ATXN1: variants seen among roughly 807,000 people sequenced by gnomAD.
ATXN1 encodes ataxin-1.
A neutral mutation model predicts 56.4 loss-of-function variants in ATXN1; 8 were observed. The ratio of observed to expected loss-of-function variants is 0.14; its 90% CI spans 0.08 to 0.26. The LOEUF is 0.26. Ranked by LOEUF, ATXN1 falls within the 10% of genes least tolerant of loss-of-function variation. The pLI is 1.00. For synonymous variants in ATXN1, 514 were observed against 494.6 expected (o/e 1.04, Z -0.52); for missense variants, 987 against 1,106.5 (o/e 0.89, Z 1.53).
chr6:16,308,322 T>TCACACACACACACACA lies in ATXN1; in HGVS notation c.1918-1479_1918-1464dup, dbSNP rs35291830. ...GCCTGGGCGACAGAGTGAAACTCCG[T>TCACACACACACACACA]CACACACACACACACACACACACAC... is the stretch of plus-strand genomic sequence containing the variant. On this transcript the variant is annotated intron_variant, in intron 7 of 7. Coordinates refer to ENST00000436367, the MANE Select transcript of ATXN1 (RefSeq NM_001128164.2). 1.4e-3 allele frequency among the ~76,000 whole-genome samples: 188 copies of TCACACACACACACACA among 132,718 alleles called. 2 individuals are homozygous for TCACACACACACACACA. The East Asian group carries it at 0.019, about 13-fold the overall frequency. The allele number at this position is 132,718 out of a possible 152,430, so 87.1% of individuals were successfully genotyped here.
chr6:16,327,271 G>A lies in ATXN1; in HGVS notation c.1040C>T (p.Ala347Val). The change falls in exon 7 of 8, where the codon GCA becomes GTA. Residue 347 changes from alanine (A) to valine (V), a missense_variant. By Grantham distance (64) the Ala-to-Val change is moderately conservative. Coordinates refer to ENST00000436367, the MANE Select transcript of ATXN1 (RefSeq NM_001128164.2). ...CGGGTGAGGAACCGACTTGCCGCCT[G>A]CCTTGCCCAGGCCCAGGTCGGCTGA... The part of the protein sequence containing the change: ...PSSADLGLGK[A>V]GGKSVPHPYE... 1 of 1,613,298 alleles carries A rather than the reference G, an allele frequency of 6.2e-7. No homozygotes were observed. Among genetic ancestry groups the A allele is most frequent in the Non-Finnish European group, 8.5e-7 (1 of 1,179,766 alleles).
At chr6:16,362,058 G>A (rs1380164983) in intron 6 of ATXN1, among the ~76,000 whole-genome samples, 20 of 152,200 alleles carry the variant, frequency 1.3e-4, no homozygotes, top group Non-Finnish European at 1.0e-4. Flanking sequence ...TGGGTGAGCC[G>A]GGTCAGCCCT....
intron 2 of ATXN1, among the ~76,000 whole-genome samples, chr6:16,658,878 A>T (rs1758259958): frequency 6.6e-6 from 1 of 152,184 alleles, no homozygotes; most frequent in Non-Finnish European, 1.5e-5. Flanking sequence ...AACTCCATAA[A>T]TCTCCAAAGG....
intron 1 of ATXN1, among the ~76,000 whole-genome samples, chr6:16,757,023 G>A (rs944487048): frequency 6.6e-6 from 1 of 152,208 alleles, no homozygotes; most frequent in African/African-American, 2.4e-5. Flanking sequence ...AAAAACAGGA[G>A]TCATAGTAAT....
chr6:16,393,425 G>T (rs1007097275), intron 6 of ATXN1, among the ~76,000 whole-genome samples: 2 of 152,016 alleles, frequency 1.3e-5, no homozygotes, highest in African/African-American at 4.8e-5. Context: ...TTGTAGAGAG[G>T]AGTTTTGCTT....
chr6:16,688,053 T>C lies in ATXN1; in HGVS notation c.-614-30152A>G, dbSNP rs546961936. On this transcript the variant is annotated intron_variant, in intron 2 of 7. Transcript: ENST00000436367. ...GGGTTATGTATCCTGGGTTCCAGCATAACCCCTGGTTGAGAACTTACTATT... is the reference window on the plus strand; with the variant it reads ...GGGTTATGTATCCTGGGTTCCAGCACAACCCCTGGTTGAGAACTTACTATT... 4.6e-4 allele frequency among the ~76,000 whole-genome samples: 70 copies of C among 152,344 alleles called. No homozygotes were observed. In the South Asian group the frequency reaches 0.013, roughly 28 times the overall value.
chr6:16,466,317 CAAAAAAAAAAAAAAAAAAAAAA>C (rs200261208), intron 6 of ATXN1, among the ~76,000 whole-genome samples: 1,337 of 79,988 alleles, frequency 0.017, 70 homozygotes, highest in African/African-American at 0.062. Context: ...GACCCCATCT[CAAAAAAAAAAAAAAAAAAAAAA>C]AAAAAAAAAA....
intron 5 of ATXN1, among the ~76,000 whole-genome samples, chr6:16,497,859 A>C (rs1465626623): frequency 3.3e-5 from 5 of 151,280 alleles, no homozygotes; most frequent in Admixed American, 6.6e-5. Context: ...GTCTCTTTGC[A>C]GAAGTTGAAC....
intron 2 of ATXN1, among the ~76,000 whole-genome samples, chr6:16,720,202 C>G (rs1182472758): frequency 1.3e-5 from 2 of 152,174 alleles, no homozygotes; most frequent in African/African-American, 4.8e-5. Context: ...TTACTGCAGT[C>G]TCTGTACAAA....
At chr6:16,719,642 G>C (rs1189856410) in intron 2 of ATXN1, among the ~76,000 whole-genome samples, 1 of 152,118 alleles carries the variant, frequency 6.6e-6, no homozygotes, top group Non-Finnish European at 1.5e-5. Flanking sequence ...CTCTCCGGAT[G>C]GTCACATCCC....
chr6:16,729,413 C>T (rs1268081979), intron 2 of ATXN1, among the ~76,000 whole-genome samples: 1 of 152,138 alleles, frequency 6.6e-6, no homozygotes, highest in Non-Finnish European at 1.5e-5. Flanking sequence ...CTCATCTAAA[C>T]TTGGGAGCTG....
At chr6:16,521,316 C>T (rs1050309579) in intron 5 of ATXN1, among the ~76,000 whole-genome samples, 8 of 152,256 alleles carry the variant, frequency 5.3e-5, no homozygotes, top group Admixed American at 2.0e-4. Flanking sequence ...GTAATCCCAG[C>T]ACTTTGGGAG....
At chr6:16,340,296 G>A (rs1384705739) in intron 6 of ATXN1, among the ~76,000 whole-genome samples, 1 of 152,224 alleles carries the variant, frequency 6.6e-6, no homozygotes, top group Non-Finnish European at 1.5e-5. Context: ...CTGATCTCCA[G>A]GAGGGCCTAG....
At chr6:16,665,675 C>T (rs1337866607) in intron 2 of ATXN1, among the ~76,000 whole-genome samples, 1 of 152,102 alleles carries the variant, frequency 6.6e-6, no homozygotes, top group Non-Finnish European at 1.5e-5. Flanking sequence ...TAATTCCCAC[C>T]ATTTGTCCTC....
chr6:16,426,584 AGTGT>A (rs56706428), intron 6 of ATXN1, among the ~76,000 whole-genome samples: 3 of 145,080 alleles, frequency 2.1e-5, no homozygotes, highest in East Asian at 4.0e-4. Flanking sequence ...GGTGGGGCCG[AGTGT>A]GTGTGTGTGT....
At chr6:16,364,136 C>T (rs544021097) in intron 6 of ATXN1, among the ~76,000 whole-genome samples, 13 of 152,232 alleles carry the variant, frequency 8.5e-5, no homozygotes, top group African/African-American at 3.1e-4. Context: ...CTTAAGGACC[C>T]CCCACTGTAT....
In ATXN1 at chr6:16,587,941, A is replaced by G. The variant is rs549545132; in HGVS notation, c.-488-2034T>C. ...AGCGGAACTCTGTCTAAAAAAAAAA[A>G]AAAAGAAAATTCCTACTCATTTTTC... is the stretch of plus-strand genomic sequence containing the variant. On this transcript the variant is annotated intron_variant, in intron 3 of 7. Coordinates refer to ENST00000436367, the MANE Select transcript of ATXN1 (RefSeq NM_001128164.2). Among the ~76,000 whole-genome samples, 16 of 152,222 alleles carry G rather than the reference A, an allele frequency of 1.1e-4. No individual in the cohort carries two copies. In the East Asian group the frequency reaches 2.1e-3, roughly 20 times the overall value.
intron 6 of ATXN1, among the ~76,000 whole-genome samples, chr6:16,336,619 T>C (rs1372492633): frequency 1.3e-5 from 2 of 152,180 alleles, no homozygotes; most frequent in African/African-American, 4.8e-5. Flanking sequence ...TAACATGCTT[T>C]TGAAACAAGC....
At chr6:16,331,189 C>T (rs183792339) in intron 6 of ATXN1, among the ~76,000 whole-genome samples, 249 of 152,036 alleles carry the variant, frequency 1.6e-3, no homozygotes, top group Middle Eastern at 6.8e-3. Flanking sequence ...TTAGTAGAGG[C>T]GGAGTTTCAC....
Sources: gnomAD v4.1 joint callset for allele counts (sites outside exome capture counted in the v4.1 genomes callset) on GRCh38, gnomAD v4.1.1 for gene constraint, MANE v1.5 for transcripts, NCBI Gene and HGNC (gene_info 2026-07-23, HGNC 2026-07-21) for gene names.